TRIM16: variants seen among roughly 807,000 people sequenced by gnomAD.
TRIM16 encodes tripartite motif containing 16.
Under a neutral mutation model 50.4 loss-of-function variants are expected in TRIM16, and 33 were observed. The ratio of observed to expected loss-of-function variants is 0.65; its 90% CI spans 0.50 to 0.88. The LOEUF is 0.88. TRIM16 is among the 40% of genes least tolerant of loss of function. The pLI is 0.00. For missense variants in TRIM16, 581 were observed against 686.8 expected, an observed-to-expected ratio of 0.85 and a Z score of 1.72; for synonymous variants, 229 against 270.7, an observed-to-expected ratio of 0.85 and a Z score of 1.51.
rs566002492 is a variant in TRIM16, at chr17:15,661,632, GTATAA to G, written c.-337-9691_-337-9687del. On this transcript the variant is annotated intron_variant, in intron 6 of 11. Coordinates refer to ENST00000649191, the MANE Select transcript of TRIM16 (RefSeq NM_001348119.1). ...GGTGCCCAGGTTGCCTGGTAATGAA[GTATAA>G]TATATTGTTTGTTAGATGAAGCCCA... Among the ~76,000 whole-genome samples, 130 of 152,152 alleles carry G rather than the reference GTATAA, an allele frequency of 8.5e-4. 1 individual carries two copies. The highest frequency in any genetic ancestry group is 1.6e-4 in the Non-Finnish European group (11 of 68,026).
At chr17:15,652,386 CCT>C (rs1207697756) in intron 6 of TRIM16, among the ~76,000 whole-genome samples, 9 of 149,028 alleles carry the variant, frequency 6.0e-5, no homozygotes, top group African/African-American at 2.2e-4. Context: ...GTCTTGAACC[CCT>C]GATCTCGTGA....
At position 15,652,012 on chromosome 17, in the gene TRIM16, C is replaced by T. The variant is rs186764034; in HGVS notation, c.-337-66G>A. ...GTGTGGCTTTGTGTGGTCTGACAAG[C>T]GACATTTTTTTTTGTTTTCATTTTT... On this transcript the variant is annotated intron_variant, in intron 6 of 11. Coordinates refer to ENST00000649191, the MANE Select transcript of TRIM16 (RefSeq NM_001348119.1). 5.8e-5 allele frequency: 61 copies of T among 1,053,206 alleles called. 1 individual carries two copies. In the Middle Eastern group the frequency reaches 1.8e-3, roughly 31 times the overall value. The allele number at this position is 1,053,206 out of a possible 1,614,324, so 65.2% of individuals were successfully genotyped here.
At chr17:15,638,355 G>A (rs1986950468) in intron 8 of TRIM16, among the ~76,000 whole-genome samples, 1 of 148,096 alleles carries the variant, frequency 6.8e-6, no homozygotes, top group African/African-American at 2.5e-5. Context: ...GGCAGATCAT[G>A]AGGTCAGGAG....
Position 15,651,602 on chromosome 17 carries a change from T to A in TRIM16, c.8A>T (p.Glu3Val). The A allele has an allele frequency of 6.2e-7, 1 of 1,613,680 alleles. No individual in the cohort carries two copies. Residue 3 changes from glutamate (E) to valine (V), a missense_variant, in exon 7 of 12, where the codon GAG (glutamate) becomes GTG (valine). Coordinates refer to ENST00000649191, the MANE Select transcript of TRIM16 (RefSeq NM_001348119.1). ...TGGCCCTGGAGCCATTAGATCCAAC[T>A]CAGCCATCTGGGAGGCTCTGCTCCT... MA[E>V]LDLMAPGPLP...
At chr17:15,653,550 TC>T (rs1987830742) in intron 6 of TRIM16, among the ~76,000 whole-genome samples, 1 of 152,210 alleles carries the variant, frequency 6.6e-6, no homozygotes. Flanking sequence ...AGATGGCTTC[TC>T]CTATGTCTTC....
At chr17:15,654,889 T>C (rs1875692) in intron 6 of TRIM16, among the ~76,000 whole-genome samples, 38,612 of 151,876 alleles carry the variant, frequency 0.25, 5,056 homozygotes, top group East Asian at 0.31. Flanking sequence ...TCCTCCTCAA[T>C]CCCTTGGTCT....
At chr17:15,631,939 T>C (rs1350942875) in intron 10 of TRIM16, 3 of 556,098 alleles carry the variant, frequency 5.4e-6, no homozygotes, top group Non-Finnish European at 9.6e-6. Context: ...CTTAAAAGTA[T>C]AGGCATCAGC....
rs151302879 is a variant in TRIM16 at position 15,632,849 on chromosome 17, C to T, written c.850-175G>A. 968 of 799,336 alleles carry T rather than the reference C, an allele frequency of 1.2e-3. 8 individuals are homozygous for T. In the African/African-American group the frequency reaches 0.015, roughly 12 times the overall value. 49.5% of individuals were successfully genotyped at this position (799,336 alleles called of 1,614,324 possible). A position where few individuals can be genotyped will look rare whatever the true frequency, so the allele number is the denominator to read the frequency against. On this transcript the variant is annotated intron_variant, in intron 9 of 11. Transcript: ENST00000649191. Reference sequence around the variant, plus strand: ...GGGTCTAACAAAATAGAAAGCACTTCTCTAGCTGCTAGACCCTCAGAATAA... The same window carrying T: ...GGGTCTAACAAAATAGAAAGCACTTTTCTAGCTGCTAGACCCTCAGAATAA...
In TRIM16 at chr17:15,652,502, C is replaced by CA. The variant is rs1264454424; in HGVS notation, c.-337-557_-337-556insT. 6.7e-5 allele frequency among the ~76,000 whole-genome samples: 8 copies of CA among 119,684 alleles called. No homozygotes were observed. The East Asian group carries it at 1.1e-3, about 16-fold the overall frequency. The allele number at this position is 119,684 out of a possible 152,430, so 78.5% of individuals were successfully genotyped here. A position where few individuals can be genotyped will look rare whatever the true frequency, so the allele number is the denominator to read the frequency against. On this transcript the variant is annotated intron_variant, in intron 6 of 11. Transcript: ENST00000649191. Reference sequence around the variant, plus strand: ...TTTTTGAGACACAGTCTCACTCTGTCGCCCAGGCTGGAGTGCAGTGTGGGA... The same window carrying CA: ...TTTTTGAGACACAGTCTCACTCTGTCAGCCCAGGCTGGAGTGCAGTGTGGGA...
At chr17:15,634,990 C>CAAA (rs1442926107) in intron 9 of TRIM16, among the ~76,000 whole-genome samples, 1 of 149,316 alleles carries the variant, frequency 6.7e-6, no homozygotes, top group African/African-American at 2.5e-5. Context: ...AACTGACAGA[C>CAAA]GCTTTGTTGG....
intron 4 of TRIM16, among the ~76,000 whole-genome samples, chr17:15,679,369 G>A (rs544855572): frequency 6.6e-6 from 1 of 152,220 alleles, no homozygotes; most frequent in Admixed American, 6.5e-5. Flanking sequence ...CAATTTTCAA[G>A]CCAAAACAAA....
Position 15,641,440 on chromosome 17 carries a change from C to G in TRIM16, c.615+1281G>C, listed in dbSNP as rs1411595439. On this transcript the variant is annotated intron_variant, in intron 8 of 11. Transcript: ENST00000649191. ...GTCATCTCTCCATGTCTTCATGCCC[C>G]TTGTGCATGGTAGCTATTGTAATAA... 1.3e-5 allele frequency among the ~76,000 whole-genome samples: 2 copies of G among 148,838 alleles called. 1 individual carries two copies. Among genetic ancestry groups the G allele is most frequent in the African/African-American group, 5.0e-5 (2 of 40,142 alleles).
intron 7 of TRIM16, among the ~76,000 whole-genome samples, chr17:15,643,550 T>C (rs1012755690): frequency 6.8e-6 from 1 of 146,928 alleles, no homozygotes; most frequent in Non-Finnish European, 1.5e-5. Flanking sequence ...TGATGTCTCA[T>C]GTCTCCCTAA....
chr17:15,679,424 G>A (rs1028652702), intron 4 of TRIM16, among the ~76,000 whole-genome samples: 8 of 152,154 alleles, frequency 5.3e-5, no homozygotes, highest in African/African-American at 1.7e-4. Flanking sequence ...GGTTGGAAAA[G>A]CAAACTGTTT....
rs772365411 is a variant in TRIM16, at chr17:15,642,043, C to T, written c.615+678G>A. 2.5e-4 allele frequency among the ~76,000 whole-genome samples: 37 copies of T among 148,292 alleles called. 3 individuals carry two copies. The highest frequency in any genetic ancestry group is 4.6e-4 in the Non-Finnish European group (31 of 67,050). The stretch of plus-strand genomic sequence containing the variant: ...TTTTTTAGTAGAGTCAGGGTTTCAC[C>T]GTGTTGGCCAGACTGGTCTCGAACT... On this transcript the variant is annotated intron_variant, in intron 8 of 11. Coordinates refer to ENST00000649191, the MANE Select transcript of TRIM16 (RefSeq NM_001348119.1).
At chr17:15,678,306 A>C (rs947122709) in intron 4 of TRIM16, among the ~76,000 whole-genome samples, 3 of 152,186 alleles carry the variant, frequency 2.0e-5, no homozygotes, top group African/African-American at 7.2e-5. Flanking sequence ...AAAAATAGCA[A>C]AATCGTTCTA....
At position 15,629,132 on chromosome 17, in the gene TRIM16, C is replaced by T. The variant is rs375711212; in HGVS notation, c.1178G>A (p.Arg393His). The T allele has an allele frequency of 2.5e-6, 4 of 1,613,036 alleles. No individual in the cohort carries two copies. Among genetic ancestry groups the T allele is most frequent in the South Asian group, 1.1e-5 (1 of 90,966 alleles). Reference protein sequence around the residue: ...HKYLRLQEENRKVTNTTPWEH... With the variant: ...HKYLRLQEENHKVTNTTPWEH... ...CCAGGGCGTGGTGTTGGTGACCTTG[C>T]GGTTCTCCTCCTGCAGCCGGAGATA... is the stretch of plus-strand genomic sequence containing the variant. Residue 393 changes from arginine to histidine, a missense_variant, in exon 12 of 12, where the codon CGC (arginine) becomes CAC (histidine). By Grantham distance (29) the Arg-to-His change is conservative. Transcript: ENST00000649191.
In TRIM16 at chr17:15,684,288, C is replaced by T. The variant is rs1468633827; in HGVS notation, c.-991G>A. ...ACACAGACTCGCCACGCGCGGAGAT[C>T]CTCCAGAGAAAGGGGCCGGAAACGG... On this transcript the variant is annotated 5_prime_UTR_variant, in exon 1 of 12. Coordinates refer to ENST00000649191, the MANE Select transcript of TRIM16 (RefSeq NM_001348119.1). 1 of 152,212 alleles carries T rather than the reference C, an allele frequency of 6.6e-6. No homozygotes were observed. Among genetic ancestry groups the T allele is most frequent in the Non-Finnish European group, 1.5e-5 (1 of 68,062 alleles). The allele number at this position is 152,212 out of a possible 1,614,324, so 9.4% of individuals were successfully genotyped here. A position where few individuals can be genotyped will look rare whatever the true frequency, so the allele number is the denominator to read the frequency against.
chr17:15,666,618 T>C (rs1405050793), intron 6 of TRIM16, among the ~76,000 whole-genome samples: 1 of 152,234 alleles, frequency 6.6e-6, no homozygotes, highest in Non-Finnish European at 1.5e-5. Context: ...TTTATCATTA[T>C]AAATTAGTTT....
Sources: gnomAD v4.1 joint callset for allele counts (sites outside exome capture counted in the v4.1 genomes callset) on GRCh38, gnomAD v4.1.1 for gene constraint, MANE v1.5 for transcripts, NCBI Gene and HGNC (gene_info 2026-07-23, HGNC 2026-07-21) for gene names.